Variants in FGF13 observed in about 807,000 individuals in gnomAD.
FGF13 encodes fibroblast growth factor homologous factor 2.
FGF13 carries 2 observed loss-of-function variants against 19.5 expected under a neutral mutation model. The observed-to-expected ratio is 0.10, with a 90% CI of 0.04 to 0.32. The LOEUF (loss-of-function observed/expected upper bound fraction) is 0.32, where lower values mean the gene tolerates loss of function less well. FGF13 is among the 10% of genes least tolerant of loss of function. FGF13 has a pLI of 1.00. For synonymous variants in FGF13, 72 were observed against 76.9 expected (o/e 0.94, Z 0.33); for missense variants, 113 against 192.7 (o/e 0.59, Z 2.45).
At chrX:138,833,307 T>C (rs778723564) in intron 3 of FGF13, among the ~76,000 whole-genome samples, 1 of 112,503 alleles carries the variant, frequency 8.9e-6, no homozygotes, top group South Asian at 3.7e-4. Flanking sequence ...GGAATGTTTC[T>C]CCCTTTGTTT....
chrX:139,190,052 C>T (rs1057012044), intron 1 of FGF13, among the ~76,000 whole-genome samples: 2 of 111,364 alleles, frequency 1.8e-5, no homozygotes, highest in African/African-American at 3.3e-5. Context: ...GTTTTAAAAG[C>T]TGTTCTTGCC....
rs140422256 is a variant in FGF13 at position 139,016,516 on chromosome X, G to A, written c.-112-151866C>T. Among the ~76,000 whole-genome samples, 286 of 111,878 alleles carry A rather than the reference G, an allele frequency of 2.6e-3. 1 individual carries two copies. The highest frequency in any genetic ancestry group is 8.3e-3 in the African/African-American group (255 of 30,841). On this transcript the variant is annotated intron_variant, in intron 1 of 2. Coordinates refer to the FGF13 transcript ENST00000421460. ...ACATATATAATTTAGTGATGGAGTT[G>A]TCCCAGCACTCTCCTCTCCTCTCGC... is the stretch of plus-strand genomic sequence containing the variant.
At chrX:138,695,470 G>A (rs2089886631) in intron 3 of FGF13, among the ~76,000 whole-genome samples, 1 of 111,695 alleles carries the variant, frequency 9.0e-6, no homozygotes. Context: ...TTGTATTAAT[G>A]TTACATTTAC....
chrX:139,078,936 T>A (rs2083351178), intron 1 of FGF13, among the ~76,000 whole-genome samples: 1 of 112,842 alleles, frequency 8.9e-6, no homozygotes, highest in African/African-American at 3.2e-5. Flanking sequence ...CTCTAATCAA[T>A]CTTGTGTATT....
chrX:138,888,566 C>T (rs766862754), intron 1 of FGF13, among the ~76,000 whole-genome samples: 114 of 110,402 alleles, frequency 1.0e-3, no homozygotes, highest in African/African-American at 3.4e-3. Flanking sequence ...TTTAGCACTC[C>T]TTTTGGCTTA....
intron 1 of FGF13, among the ~76,000 whole-genome samples, chrX:138,723,636 CTTAA>C (rs780176599): frequency 9.0e-6 from 1 of 110,707 alleles, no homozygotes; most frequent in Non-Finnish European, 1.9e-5. Flanking sequence ...TCAGTAACAA[CTTAA>C]TTAAGTCTCG....
At chrX:138,813,393 C>T (rs1043134058) in intron 3 of FGF13, among the ~76,000 whole-genome samples, 63 of 111,564 alleles carry the variant, frequency 5.6e-4, no homozygotes, top group African/African-American at 1.9e-3. Context: ...ATTGTCCATT[C>T]CTTCATTCTA....
At chrX:139,035,247 A>G (rs10521792) in intron 1 of FGF13, among the ~76,000 whole-genome samples, 17,927 of 111,025 alleles carry the variant, frequency 0.16, 1,278 homozygotes, top group African/African-American at 0.28. Flanking sequence ...CCGGTACTGT[A>G]TAACTGTTCA....
chrX:138,751,658 G>A (rs2090399021), intron 3 of FGF13, among the ~76,000 whole-genome samples: 1 of 111,411 alleles, frequency 9.0e-6, no homozygotes, highest in African/African-American at 3.3e-5. Context: ...TATGTTCACA[G>A]GCTGGAACAG....
chrX:138,646,857 A>C (rs2089312397), intron 3 of FGF13, among the ~76,000 whole-genome samples: 1 of 111,901 alleles, frequency 8.9e-6, no homozygotes, highest in East Asian at 2.8e-4. Context: ...AGACAGAGCG[A>C]AACACAGAAA....
chrX:138,698,842 A>G (rs1230357845), intron 3 of FGF13, among the ~76,000 whole-genome samples: 1 of 111,893 alleles, frequency 8.9e-6, no homozygotes, highest in Non-Finnish European at 1.9e-5. Flanking sequence ...TTTGTGGGCC[A>G]TAAGGGCTCT....
intron 1 of FGF13, among the ~76,000 whole-genome samples, chrX:139,172,667 C>T (rs2084143275): frequency 8.9e-6 from 1 of 111,824 alleles, no homozygotes; most frequent in Admixed American, 9.5e-5. Context: ...TAGTATTTCA[C>T]CAAACCCTAT....
intron 1 of FGF13, among the ~76,000 whole-genome samples, chrX:138,730,168 G>A (rs895468269): frequency 4.0e-4 from 44 of 110,228 alleles, no homozygotes; most frequent in African/African-American, 1.4e-3. Flanking sequence ...AACAATGTGT[G>A]CATGTCCAGG....
chrX:138,950,466 G>A (rs1283766500), intron 1 of FGF13, among the ~76,000 whole-genome samples: 2 of 111,548 alleles, frequency 1.8e-5, no homozygotes, highest in Admixed American at 1.9e-4. Context: ...AACCTCTTTC[G>A]ATAGATGATA....
chrX:138,737,666 T>C lies in FGF13; in HGVS notation c.28+1576A>G, dbSNP rs191964747. Among the ~76,000 whole-genome samples, 4 of 112,257 alleles carry C rather than the reference T, an allele frequency of 3.6e-5. No homozygotes were observed. In the Admixed American group the frequency reaches 3.8e-4, roughly 11 times the overall value. On this transcript the variant is annotated intron_variant, in intron 1 of 4. Coordinates refer to the FGF13 transcript ENST00000305414. ...TTCATAGACTCACATGTCAATAAAA[T>C]AATTGTTTGGTGAGAATTTCCTGTG...
At chrX:139,130,779 T>G (rs1399513036) in intron 1 of FGF13, among the ~76,000 whole-genome samples, 2 of 112,230 alleles carry the variant, frequency 1.8e-5, no homozygotes, top group Non-Finnish European at 3.8e-5. Context: ...TTAGATTTTA[T>G]ACCAAAATAT....
intron 1 of FGF13, among the ~76,000 whole-genome samples, chrX:139,053,004 C>T (rs986747017): frequency 9.4e-6 from 1 of 106,516 alleles, no homozygotes; most frequent in Admixed American, 1.0e-4. Flanking sequence ...CCCTTGCCCC[C>T]CTCCCACCCT....
chrX:138,775,554 T>C (rs2090581476), intron 3 of FGF13, among the ~76,000 whole-genome samples: 2 of 112,192 alleles, frequency 1.8e-5, no homozygotes, highest in East Asian at 2.8e-4. Flanking sequence ...ATCCAATTCT[T>C]ATCTCGTCTC....
At chrX:138,708,065 G>T (rs997033116) in intron 2 of FGF13, among the ~76,000 whole-genome samples, 3 of 112,345 alleles carry the variant, frequency 2.7e-5, no homozygotes, top group Admixed American at 9.4e-5. Flanking sequence ...TAAGTCTCCA[G>T]AAATCTGTAA....
Sources: gnomAD v4.1 joint callset for allele counts (sites outside exome capture counted in the v4.1 genomes callset) on GRCh38, gnomAD v4.1.1 for gene constraint, MANE v1.5 for transcripts, NCBI Gene and HGNC (gene_info 2026-07-23, HGNC 2026-07-21) for gene names.